The following PLAA variants were observed in gnomAD, a reference collection of about 807,000 sequenced individuals.
PLAA encodes phospholipase A-2-activating protein.
PLAA carries 48 observed loss-of-function variants against 84.1 expected under a neutral mutation model. That is an observed-to-expected ratio of 0.57 (90% CI 0.45 to 0.73). The LOEUF is 0.73. PLAA is among the 30% of genes least tolerant of loss of function. The pLI is 0.00. For synonymous variants in PLAA, 392 were observed against 336.6 expected (o/e 1.16, Z -1.80); for missense variants, 903 against 954.7 (o/e 0.95, Z 0.71).
chr9:26,917,127 TAGA>T lies in PLAA; in HGVS notation c.1453_1455del (p.Ser485del). On this transcript the variant is annotated inframe_deletion, in exon 10 of 14. Transcript: ENST00000397292. ...AAAGGATCTGCTGTGGGTAGTGTGT[TAGA>T]AGATCCCGAAGAGCCCGGAACATAC... 1 of 1,613,924 alleles carries T rather than the reference TAGA, an allele frequency of 6.2e-7. No individual in the cohort carries two copies. The highest frequency in any genetic ancestry group is 8.5e-7 in the Non-Finnish European group (1 of 1,179,910).
intron 11 of PLAA, among the ~76,000 whole-genome samples, chr9:26,911,400 C>G (rs1824393321): frequency 6.6e-6 from 1 of 152,226 alleles, no homozygotes; most frequent in Admixed American, 6.5e-5. Flanking sequence ...ATCCACCTGC[C>G]TTGGCCTCCC....
At position 26,932,239 on chromosome 9, in the gene PLAA, G is replaced by A. The variant is rs568674180; in HGVS notation, c.343+2774C>T. Among the ~76,000 whole-genome samples the A allele has an allele frequency of 6.6e-5, 10 of 152,198 alleles. No homozygotes were observed. The East Asian group carries it at 1.9e-3, about 29-fold the overall frequency. On this transcript the variant is annotated intron_variant, in intron 2 of 13. Transcript: ENST00000397292. ...TTTTGTTTTGTTTTGTTTTGTTTTA[G>A]GTGTGATAACAATATTGTGGTTATT...
chr9:26,919,896 A>G (rs1824701574), intron 8 of PLAA, among the ~76,000 whole-genome samples: 1 of 152,142 alleles, frequency 6.6e-6, no homozygotes, highest in Non-Finnish European at 1.5e-5. Flanking sequence ...AGGGTCTCTC[A>G]TGTCTTGTCA....
chr9:26,946,968 G>T lies in PLAA; in HGVS notation c.78C>A (p.Cys26Ter). The change falls in exon 1 of 14, where the codon TGC becomes TGA. Residue 26 changes from cysteine to a stop codon, truncating the protein, a stop_gained. Transcript: ENST00000397292. LOFTEE classifies it high-confidence loss of function. ...GHELDVRGLV[C>*]CAYPPGAFVS... is the part of the protein sequence containing the mutation. Reference sequence around the variant, plus strand: ...CAAAGGCTCCCGGCGGATAGGCGCAGCACACCAGGCCCCGTACGTCCAGCT... The same window carrying T: ...CAAAGGCTCCCGGCGGATAGGCGCATCACACCAGGCCCCGTACGTCCAGCT... The T allele has an allele frequency of 6.3e-7, 1 of 1,590,860 alleles. No individual in the cohort carries two copies. The highest frequency in any genetic ancestry group is 8.6e-7 in the Non-Finnish European group (1 of 1,169,036).
chr9:26,903,418 TAA>T lies in PLAA; in HGVS notation c.*2091_*2092del, dbSNP rs143599487. On this transcript the variant is annotated 3_prime_UTR_variant, in exon 14 of 14. Coordinates refer to ENST00000397292, the MANE Select transcript of PLAA (RefSeq NM_001031689.3). Reference sequence around the variant, plus strand: ...AATGTGGAGCTCTTTGTACCAAATATAAGTTTAAAAATCAGGTTATCAAAGAG... The same window carrying T: ...AATGTGGAGCTCTTTGTACCAAATATGTTTAAAAATCAGGTTATCAAAGAG... Among the ~76,000 whole-genome samples, 932 of 152,346 alleles carry T rather than the reference TAA, an allele frequency of 6.1e-3. 7 individuals carry two copies. The highest frequency in any genetic ancestry group is 0.021 in the African/African-American group (865 of 41,578).
At chr9:26,925,742 C>A in intron 6 of PLAA, 83 bp downstream of exon 6, 1 of 1,238,172 alleles carries the variant, frequency 8.1e-7, no homozygotes, top group Non-Finnish European at 1.2e-6. Flanking sequence ...ACGTGAAATT[C>A]CTTATGGCTT....
intron 1 of PLAA, among the ~76,000 whole-genome samples, chr9:26,935,513 C>G (rs1825330598): frequency 6.6e-6 from 1 of 152,164 alleles, no homozygotes; most frequent in South Asian, 2.1e-4. Flanking sequence ...ATCTTCACTT[C>G]TACACATTAG....
intron 1 of PLAA, among the ~76,000 whole-genome samples, chr9:26,946,000 G>C (rs992570105): frequency 6.6e-6 from 1 of 152,128 alleles, no homozygotes; most frequent in Non-Finnish European, 1.5e-5. Flanking sequence ...GAAAGCTCCA[G>C]AAACACTGGC....
intron 7 of PLAA, among the ~76,000 whole-genome samples, chr9:26,921,495 T>C (rs1824758254): frequency 1.3e-5 from 2 of 152,250 alleles, no homozygotes; most frequent in South Asian, 4.1e-4. Flanking sequence ...TCTTAATCTG[T>C]TTCAATTTGT....
At chr9:26,935,295 G>T in intron 1 of PLAA, 89 bp from the exon 2 acceptor site, 2 of 780,416 alleles carry the variant, frequency 2.6e-6, no homozygotes, top group Non-Finnish European at 4.0e-6. Flanking sequence ...TTCATTTAGT[G>T]TCTAGACAAA....
At chr9:26,914,255 G>A (rs1824485011) in intron 10 of PLAA, among the ~76,000 whole-genome samples, 1 of 152,134 alleles carries the variant, frequency 6.6e-6, no homozygotes, top group Non-Finnish European at 1.5e-5. Context: ...CTATTCTATT[G>A]AAGTAAAGGG....
intron 1 of PLAA, among the ~76,000 whole-genome samples, chr9:26,946,264 TTTC>T (rs1220614643): frequency 2.7e-5 from 4 of 150,848 alleles, no homozygotes; most frequent in East Asian, 1.9e-4. Context: ...TCCTAACCTT[TTTC>T]TTCTTTTTTT....
chr9:26,934,231 C>G (rs929114227), intron 2 of PLAA, among the ~76,000 whole-genome samples: 1 of 152,156 alleles, frequency 6.6e-6, no homozygotes, highest in Admixed American at 6.5e-5. Context: ...CAATAAAGAA[C>G]TGTTAAGCCA....
intron 4 of PLAA, among the ~76,000 whole-genome samples, chr9:26,927,343 G>A (rs1489296576): frequency 1.3e-5 from 2 of 151,774 alleles, no homozygotes; most frequent in African/African-American, 4.8e-5. Context: ...GGCTGATCTC[G>A]AACTCATGGC....
chr9:26,914,015 G>A (rs989481064), intron 10 of PLAA, 68 bp from the exon 11 acceptor site: 50 of 1,104,100 alleles, frequency 4.5e-5, no homozygotes, highest in African/African-American at 6.2e-5. Context: ...CTGCTCCTTC[G>A]CTTATTTCCA....
chr9:26,916,638 C>T (rs1022694699), intron 10 of PLAA: 16 of 989,626 alleles, frequency 1.6e-5, no homozygotes, highest in Admixed American at 6.0e-5. Flanking sequence ...CTTCTCTGCT[C>T]GTGATTGGTA....
Position 26,946,261 on chromosome 9 carries a change from C to A in PLAA, c.149+636G>T, listed in dbSNP as rs149289546. Reference sequence around the variant, plus strand: ...AACTCGATCAGGACTGATTCCTAACCTTTTTCTTCTTTTTTTTTTTGGTTC... The same window carrying A: ...AACTCGATCAGGACTGATTCCTAACATTTTTCTTCTTTTTTTTTTTGGTTC... On this transcript the variant is annotated intron_variant, in intron 1 of 13. Transcript: ENST00000397292. 1.1e-3 allele frequency among the ~76,000 whole-genome samples: 164 copies of A among 150,922 alleles called. 1 individual carries two copies. The highest frequency in any genetic ancestry group is 3.9e-3 in the African/African-American group (157 of 40,628).
chr9:26,915,213 G>A (rs7035292), intron 10 of PLAA, among the ~76,000 whole-genome samples: 44,596 of 142,986 alleles, frequency 0.31, 7,787 homozygotes, highest in East Asian at 0.65. Flanking sequence ...ACTCTGACTC[G>A]AAAAAAAAAA....
rs111631482 is a variant in PLAA at position 26,922,250 on chromosome 9, T to C, written c.1039+928A>G. On this transcript the variant is annotated intron_variant, in intron 7 of 13. Coordinates refer to ENST00000397292, the MANE Select transcript of PLAA (RefSeq NM_001031689.3). Reference sequence around the variant, plus strand: ...TAATATTAATACCTCATCAAGGACATGCTTAATGGCAAACTGTTTTTTTTT... The same window carrying C: ...TAATATTAATACCTCATCAAGGACACGCTTAATGGCAAACTGTTTTTTTTT... Among the ~76,000 whole-genome samples, 437 of 152,084 alleles carry C rather than the reference T, an allele frequency of 2.9e-3. 4 individuals carry two copies. The highest frequency in any genetic ancestry group is 0.01 in the African/African-American group (415 of 41,484).
Sources: gnomAD v4.1 joint callset for allele counts (sites outside exome capture counted in the v4.1 genomes callset) on GRCh38, gnomAD v4.1.1 for gene constraint, MANE v1.5 for transcripts, NCBI Gene and HGNC (gene_info 2026-07-23, HGNC 2026-07-21) for gene names.